The following PRKN variants were observed in gnomAD, a reference collection of about 807,000 sequenced individuals.
PRKN encodes the protein parkin RBR E3 ubiquitin protein ligase.
In PRKN, 56 loss-of-function variants were observed where a neutral mutation model predicts 59.5. The observed-to-expected ratio is 0.94, with a 90% CI of 0.76 to 1.18. The LOEUF is 1.18. Ranked by LOEUF, PRKN falls within the 50% of genes most tolerant of loss-of-function variation. The pLI is 0.00. For missense variants in PRKN, 657 were observed against 596.4 expected (o/e 1.10, Z -1.06); for synonymous variants, 250 against 222.1 (o/e 1.13, Z -1.12).
intron 4 of PRKN, among the ~76,000 whole-genome samples, chr6:162,123,189 TC>T (rs1780988883): frequency 6.6e-6 from 1 of 152,110 alleles, no homozygotes; most frequent in Non-Finnish European, 1.5e-5. Context: ...ACAGGGGAAT[TC>T]CTGTGGCAGC....
At chr6:162,014,808 AT>A (rs35505752) in intron 5 of PRKN, among the ~76,000 whole-genome samples, 10 of 149,276 alleles carry the variant, frequency 6.7e-5, no homozygotes, top group South Asian at 2.1e-4. Flanking sequence ...CACCTTTCGT[AT>A]TTTTTTTTTC....
intron 3 of PRKN, among the ~76,000 whole-genome samples, chr6:162,232,500 C>T (rs1778465457): frequency 6.6e-6 from 1 of 152,206 alleles, no homozygotes. Context: ...GGACCCTTTT[C>T]CTCAGAAGTG....
Position 162,479,260 on chromosome 6 carries a change from C to T in PRKN, c.8-35787G>A, listed in dbSNP as rs191980211. The stretch of plus-strand genomic sequence containing the variant: ...TTTTTTTTTGAGACGGTGTCATGCT[C>T]TGTTGCCCGGGTTGGAGTGCGGTGG... On this transcript the variant is annotated intron_variant, in intron 1 of 11. Coordinates refer to ENST00000366898, the MANE Select transcript of PRKN (RefSeq NM_004562.3). 1.7e-4 allele frequency among the ~76,000 whole-genome samples: 26 copies of T among 151,206 alleles called. 1 individual carries two copies. In the East Asian group the frequency reaches 4.3e-3, roughly 25 times the overall value.
intron 1 of PRKN, among the ~76,000 whole-genome samples, chr6:162,526,899 C>T (rs188808405): frequency 6.6e-6 from 1 of 152,188 alleles, no homozygotes; most frequent in Non-Finnish European, 1.5e-5. Flanking sequence ...CTTTAAGACA[C>T]ATTGAAAGAT....
At chr6:162,214,575 T>C (rs1390558588) in intron 3 of PRKN, among the ~76,000 whole-genome samples, 2 of 152,214 alleles carry the variant, frequency 1.3e-5, no homozygotes, top group Non-Finnish European at 2.9e-5. Flanking sequence ...AGGGAATGAA[T>C]TCCTTCTTAA....
In PRKN at chr6:161,484,089, G is replaced by A. The variant is rs146898440; in HGVS notation, c.1083+64765C>T. On this transcript the variant is annotated intron_variant, in intron 9 of 11. Transcript: ENST00000366898. The surrounding 1 kb of genome is among the most constrained non-coding windows in gnomAD (Gnocchi z 4.9). ...TGGATGCTGGGCTTAATACCTAGGT[G>A]ATGGGTTGATCTGTGCAGCAAAACA... 0.014 allele frequency among the ~76,000 whole-genome samples: 2,148 copies of A among 152,166 alleles called. 48 individuals are homozygous for A. The highest frequency in any genetic ancestry group is 0.049 in the African/African-American group (2,046 of 41,482).
At chr6:162,095,104 G>C (rs1441930449) in intron 4 of PRKN, among the ~76,000 whole-genome samples, 2 of 152,138 alleles carry the variant, frequency 1.3e-5, no homozygotes, top group Non-Finnish European at 2.9e-5. Flanking sequence ...TTTCTACTGG[G>C]TCTTCAGGGG....
At chr6:162,581,840 C>G (rs529955444) in intron 1 of PRKN, among the ~76,000 whole-genome samples, 1 of 152,252 alleles carries the variant, frequency 6.6e-6, no homozygotes, top group South Asian at 2.1e-4. Flanking sequence ...CTTAACTGAA[C>G]TATCTGCACA....
At chr6:162,385,537 C>T (rs1786755745) in intron 2 of PRKN, among the ~76,000 whole-genome samples, 1 of 152,092 alleles carries the variant, frequency 6.6e-6, no homozygotes, top group Admixed American at 6.6e-5. Flanking sequence ...AGATCTAACT[C>T]ATCCCAAACA....
chr6:162,446,253 T>C (rs1051199854), intron 1 of PRKN, among the ~76,000 whole-genome samples: 1 of 152,200 alleles, frequency 6.6e-6, no homozygotes, highest in African/African-American at 2.4e-5. Context: ...ACCCCAGTTC[T>C]AAATTTCATT....
intron 7 of PRKN, among the ~76,000 whole-genome samples, chr6:161,770,050 T>G (rs1789599165): frequency 6.6e-6 from 1 of 152,048 alleles, no homozygotes; most frequent in African/African-American, 2.4e-5. Flanking sequence ...ATCTTTACAT[T>G]TACAAAGCAC....
chr6:161,453,253 C>T (rs1478221754), intron 9 of PRKN, among the ~76,000 whole-genome samples: 1 of 152,164 alleles, frequency 6.6e-6, no homozygotes, highest in Non-Finnish European at 1.5e-5. Context: ...GGCTTAACGT[C>T]GTGGCTCTGT....
At chr6:161,938,284 A>T (rs1184158154) in intron 6 of PRKN, among the ~76,000 whole-genome samples, 1 of 152,172 alleles carries the variant, frequency 6.6e-6, no homozygotes, top group African/African-American at 2.4e-5. Context: ...GCATTAATAC[A>T]TTTTCAGGAC....
At chr6:162,587,064 G>A (rs773262964) in intron 1 of PRKN, among the ~76,000 whole-genome samples, 1 of 152,134 alleles carries the variant, frequency 6.6e-6, no homozygotes, top group Non-Finnish European at 1.5e-5. Flanking sequence ...TTTTAATAAA[G>A]AACTACATTT....
intron 7 of PRKN, among the ~76,000 whole-genome samples, chr6:161,613,654 C>T (rs531776329): frequency 2.0e-5 from 3 of 152,208 alleles, no homozygotes; most frequent in East Asian, 1.9e-4. Context: ...CTTCAGCAGC[C>T]GCAACCCTGA....
intron 2 of PRKN, among the ~76,000 whole-genome samples, chr6:162,376,212 C>T (rs145492489): frequency 1.7e-3 from 255 of 152,152 alleles, no homozygotes; most frequent in African/African-American, 5.7e-3. Flanking sequence ...GAACACAGAC[C>T]GCACCCTTGT....
Position 162,335,957 on chromosome 6 carries a change from G to A in PRKN, c.172-73192C>T, listed in dbSNP as rs559092672. 2.0e-5 allele frequency among the ~76,000 whole-genome samples: 3 copies of A among 151,518 alleles called. No individual in the cohort carries two copies. In the South Asian group the frequency reaches 6.3e-4, roughly 32 times the overall value. The stretch of plus-strand genomic sequence containing the variant: ...CTCACTTAAGGGCAACTAGATTCAA[G>A]TAATTACAGTGATTCTGCCACACAC... On this transcript the variant is annotated intron_variant, in intron 2 of 11. Coordinates refer to ENST00000366898, the MANE Select transcript of PRKN (RefSeq NM_004562.3).
chr6:162,431,081 G>A (rs1789499693), intron 2 of PRKN, among the ~76,000 whole-genome samples: 1 of 152,040 alleles, frequency 6.6e-6, no homozygotes, highest in East Asian at 1.9e-4. Flanking sequence ...AACAGGGCTG[G>A]CAGGTTTTGC....
At position 161,429,388 on chromosome 6, in the gene PRKN, G is replaced by C. The variant is rs1295122954; in HGVS notation, c.1084-42511C>G. On this transcript the variant is annotated intron_variant, in intron 9 of 11. Transcript: ENST00000366898. The surrounding 1 kb of genome is among the most constrained non-coding windows in gnomAD (Gnocchi z 4.2). ...ATTATAACACAGCAGTGCCCTAAGT[G>C]CTATTGCTCTATGTGTGGGAAAACA... Among the ~76,000 whole-genome samples the C allele has an allele frequency of 6.6e-6, 1 of 152,164 alleles. No individual in the cohort carries two copies. Among genetic ancestry groups the C allele is most frequent in the Admixed American group, 6.5e-5 (1 of 15,274 alleles).
Sources: gnomAD v4.1 joint callset for allele counts (sites outside exome capture counted in the v4.1 genomes callset) on GRCh38, gnomAD v4.1.1 for gene constraint, Gnocchi (gnomAD v3.1) non-coding constraint, MANE v1.5 for transcripts, NCBI Gene and HGNC (gene_info 2026-07-23, HGNC 2026-07-21) for gene names.